The following SCRG1 variants were observed in gnomAD, a reference collection of about 807,000 sequenced individuals.
The protein encoded by SCRG1 is stimulator of chondrogenesis 1.
A neutral mutation model predicts 7.7 loss-of-function variants in SCRG1; 3 were observed. The observed-to-expected ratio is 0.39, with a 90% CI of 0.18 to 1.01. SCRG1 has a LOEUF of 1.01. Among genes scored for constraint, SCRG1 ranks in the 50% least tolerant of loss-of-function variants. The probability of loss-of-function intolerance (pLI) is 0.36; values close to 1 mark genes in which losing one functional copy is unlikely to be tolerated. For missense variants in SCRG1, 110 were observed against 117.2 expected, an observed-to-expected ratio of 0.94 and a Z score of 0.28; for synonymous variants, 46 against 41.2, an observed-to-expected ratio of 1.12 and a Z score of -0.44.
the SCRG1 span, among the ~76,000 whole-genome samples, chr4:173,420,998 CA>C: frequency 6.6e-6 from 1 of 152,100 alleles, no homozygotes; most frequent in Admixed American, 6.6e-5. Context: ...CCTTTTACCA[CA>C]AAAAACAGCA....
chr4:173,405,892 A>T (rs1364645967), intron 1 of SCRG1, among the ~76,000 whole-genome samples: 1 of 152,188 alleles, frequency 6.6e-6, no homozygotes, highest in Non-Finnish European at 1.5e-5. Flanking sequence ...GGTTCCTTTC[A>T]TTGAAGAATA....
At chr4:173,403,801 A>G (rs1238098330), upstream of SCRG1, among the ~76,000 whole-genome samples, 1 of 152,212 alleles carries the variant, frequency 6.6e-6, no homozygotes, top group African/African-American at 2.4e-5. Flanking sequence ...GAGCCTAGCA[A>G]TAATTTTATG....
chr4:173,514,293 C>T, the SCRG1 span, among the ~76,000 whole-genome samples: 2 of 152,154 alleles, frequency 1.3e-5, no homozygotes, highest in Non-Finnish European at 2.9e-5. Context: ...AGCCATCAGT[C>T]CCAAGTGGAA....
chr4:173,489,423 C>G, the SCRG1 span, among the ~76,000 whole-genome samples: 1 of 152,134 alleles, frequency 6.6e-6, no homozygotes, highest in South Asian at 2.1e-4. Flanking sequence ...GGAGAGCAAT[C>G]ATGTTCACAT....
chr4:173,445,589 A>AAAG, the SCRG1 span, among the ~76,000 whole-genome samples: 1 of 150,892 alleles, frequency 6.6e-6, no homozygotes, highest in Non-Finnish European at 1.5e-5. Flanking sequence ...CTCGGAAAAA[A>AAAG]AAAAGAAAAG....
the SCRG1 span, among the ~76,000 whole-genome samples, chr4:173,431,452 G>C: frequency 1.3e-5 from 2 of 152,156 alleles, no homozygotes; most frequent in African/African-American, 4.8e-5. Context: ...TGGAAGATGT[G>C]GTGTGTACTC....
the SCRG1 span, among the ~76,000 whole-genome samples, chr4:173,483,687 ATTG>A: frequency 2.2e-3 from 8 of 3,576 alleles, no homozygotes; most frequent in Non-Finnish European, 3.3e-3. Context: ...GATATATTAT[ATTG>A]TGATATATCA....
At chr4:173,453,970 C>G in the SCRG1 span, among the ~76,000 whole-genome samples, 3 of 151,284 alleles carry the variant, frequency 2.0e-5, no homozygotes, top group African/African-American at 4.9e-5. Context: ...CCCAGCTACT[C>G]GGGAGGCTGA....
chr4:173,414,982 C>T, the SCRG1 span, among the ~76,000 whole-genome samples: 1 of 152,186 alleles, frequency 6.6e-6, no homozygotes, highest in East Asian at 1.9e-4. Context: ...GCAGCAGTGA[C>T]CCAACTCTGG....
At chr4:173,512,853 C>T in the SCRG1 span, among the ~76,000 whole-genome samples, 6 of 152,200 alleles carry the variant, frequency 3.9e-5, no homozygotes, top group South Asian at 2.1e-4. Flanking sequence ...AGGTGTCATC[C>T]GCTCTTGTAG....
upstream of SCRG1, among the ~76,000 whole-genome samples, chr4:173,407,196 G>T (rs1174932357): frequency 1.4e-5 from 2 of 145,728 alleles, no homozygotes; most frequent in Non-Finnish European, 3.0e-5. Context: ...GCGACAGAGC[G>T]AGATCCATCT....
chr4:173,508,364 G>T, the SCRG1 span, among the ~76,000 whole-genome samples: 3 of 152,314 alleles, frequency 2.0e-5, no homozygotes, highest in Admixed American at 6.5e-5. This position sits in a 1 kb window ranked among gnomAD's most constrained non-coding sequence, Gnocchi z 4.4. Flanking sequence ...CTAGACTGAT[G>T]TAAATTTCTC....
intron 1 of SCRG1, among the ~76,000 whole-genome samples, chr4:173,395,461 T>C (rs940089339): frequency 6.6e-6 from 1 of 152,368 alleles, no homozygotes; most frequent in Middle Eastern, 3.4e-3. Context: ...CTATCATTTA[T>C]TCCTGTTCAG....
chr4:173,402,328 G>T (rs932366705), upstream of SCRG1, among the ~76,000 whole-genome samples: 8 of 152,032 alleles, frequency 5.3e-5, no homozygotes, highest in Non-Finnish European at 1.0e-4. Flanking sequence ...GTTAGAAATA[G>T]AAAATCCTCA....
In SCRG1 at chr4:173,387,192, T is replaced by G. The variant is rs774385581; in HGVS notation, c.*1149A>C. 1.5e-5 allele frequency: 1 copy of G among 67,696 alleles called. No individual in the cohort carries two copies. Among genetic ancestry groups the G allele is most frequent in the Non-Finnish European group, 3.1e-5 (1 of 32,132 alleles). 4.2% of individuals were successfully genotyped at this position (67,696 alleles called of 1,614,324 possible). On this transcript the variant is annotated 3_prime_UTR_variant, in exon 3 of 3. Transcript: ENST00000296506. ...ATACATCTGTGTGTGGCATATGGGCTTTGGAATTGGAACTCTTGAAAATCT... is the reference window on the plus strand; with the variant it reads ...ATACATCTGTGTGTGGCATATGGGCGTTGGAATTGGAACTCTTGAAAATCT...
chr4:173,494,858 A>G, the SCRG1 span, among the ~76,000 whole-genome samples: 14 of 152,238 alleles, frequency 9.2e-5, no homozygotes, highest in Non-Finnish European at 1.3e-4. Context: ...AGTATTATAA[A>G]CAAGCACCGA....
the SCRG1 span, among the ~76,000 whole-genome samples, chr4:173,487,377 T>C: frequency 6.6e-6 from 1 of 152,228 alleles, no homozygotes; most frequent in African/African-American, 2.4e-5. Context: ...ACTTTCTGAT[T>C]GTTGATATTA....
At chr4:173,415,712 C>T in the SCRG1 span, among the ~76,000 whole-genome samples, 2 of 152,162 alleles carry the variant, frequency 1.3e-5, no homozygotes, top group South Asian at 2.1e-4. Context: ...AACCAAATAG[C>T]GTGCCCAAGT....
the SCRG1 span, among the ~76,000 whole-genome samples, chr4:173,458,948 G>A: frequency 2.6e-5 from 4 of 152,120 alleles, no homozygotes; most frequent in Non-Finnish European, 4.4e-5. Context: ...CAAAAAATAA[G>A]CAGGAGTAAC....
Sources: allele counts gnomAD v4.1 joint callset (sites outside exome capture counted in the v4.1 genomes callset), GRCh38; gene constraint gnomAD v4.1.1; non-coding constraint Gnocchi (gnomAD v3.1); transcripts MANE v1.5; gene names NCBI Gene and HGNC (gene_info 2026-07-23, HGNC 2026-07-21).